CPED1: variants seen among roughly 807,000 people sequenced by gnomAD.
CPED1 encodes the protein cadherin-like and PC-esterase domain-containing protein 1.
In CPED1, 114 loss-of-function variants were observed where a neutral mutation model predicts 128.2. The observed-to-expected ratio is 0.89, with a 90% CI of 0.76 to 1.04. CPED1 has a LOEUF of 1.04. Ranked by LOEUF, CPED1 falls within the 50% of genes least tolerant of loss-of-function variation. The probability of loss-of-function intolerance (pLI) is 0.00; values close to 1 mark genes in which losing one functional copy is unlikely to be tolerated. For synonymous variants in CPED1, 462 were observed against 426.7 expected, an observed-to-expected ratio of 1.08 and a Z score of -1.02; for missense variants, 1,211 against 1,207.1, an observed-to-expected ratio of 1.00 and a Z score of -0.05.
intron 19 of CPED1, 29 bp from the exon 20 acceptor site, chr7:121,266,678 C>A: frequency 6.5e-7 from 1 of 1,540,216 alleles, no homozygotes; most frequent in Non-Finnish European, 9.0e-7. Context: ...TTTAGGGCAA[C>A]ATGTGTTGTT....
intron 21 of CPED1, among the ~76,000 whole-genome samples, chr7:121,269,706 T>C (rs1792196436): frequency 6.6e-6 from 1 of 152,142 alleles, no homozygotes; most frequent in African/African-American, 2.4e-5. Context: ...TGTGAGATGG[T>C]ATCTCATTGT....
rs541163750 is a variant in CPED1 at position 121,041,059 on chromosome 7, C to T, written c.434-5828C>T. ...TGTTCTTCTCATGTTTATTTCTCTT[C>T]TTTTATCCTTACCAGCTAAGAACCA... is the stretch of plus-strand genomic sequence containing the variant. On this transcript the variant is annotated intron_variant, in intron 3 of 22. Transcript: ENST00000310396. 4.6e-5 allele frequency among the ~76,000 whole-genome samples: 7 copies of T among 152,158 alleles called. No individual in the cohort carries two copies. In the East Asian group the frequency reaches 1.3e-3, roughly 29 times the overall value.
intron 16 of CPED1, among the ~76,000 whole-genome samples, chr7:121,154,025 A>G (rs1796222483): frequency 6.6e-6 from 1 of 152,236 alleles, no homozygotes. Context: ...CAGACTATAC[A>G]TGGTGCCATT....
intron 3 of CPED1, among the ~76,000 whole-genome samples, chr7:121,044,204 G>C (rs1414995703): frequency 6.6e-6 from 1 of 151,972 alleles, no homozygotes; most frequent in Non-Finnish European, 1.5e-5. Flanking sequence ...AAAAGAAAAA[G>C]GGCTTTGGAA....
intron 4 of CPED1, among the ~76,000 whole-genome samples, chr7:121,060,946 C>A (rs929901495): frequency 1.3e-5 from 2 of 152,062 alleles, no homozygotes; most frequent in Admixed American, 6.5e-5. Context: ...ACGAGCCCCC[C>A]GGGAGGAACG....
intron 16 of CPED1, among the ~76,000 whole-genome samples, chr7:121,226,374 G>A (rs574655997): frequency 9.9e-5 from 15 of 152,106 alleles, no homozygotes; most frequent in South Asian, 4.2e-4. Flanking sequence ...GCTGCAGACC[G>A]GAGCTGTTCC....
At chr7:121,256,142 C>CAAA (rs60327976) in intron 18 of CPED1, among the ~76,000 whole-genome samples, 1 of 69,738 alleles carries the variant, frequency 1.4e-5, no homozygotes, top group African/African-American at 4.7e-5. Flanking sequence ...AAAAAAAAAA[C>CAAA]AAAGCTTATG....
intron 12 of CPED1, among the ~76,000 whole-genome samples, chr7:121,131,063 G>T (rs1795653540): frequency 6.6e-6 from 1 of 152,112 alleles, no homozygotes; most frequent in Non-Finnish European, 1.5e-5. Flanking sequence ...CTAGGGAGAT[G>T]AAAGACTAAA....
At chr7:121,234,636 A>G (rs188949899) in intron 16 of CPED1, among the ~76,000 whole-genome samples, 31 of 152,012 alleles carry the variant, frequency 2.0e-4, no homozygotes, top group African/African-American at 7.0e-4. Context: ...TTCTAGATAG[A>G]GCTAAAGCCT....
At chr7:121,183,221 C>A (rs1338319900) in intron 16 of CPED1, among the ~76,000 whole-genome samples, 1 of 152,096 alleles carries the variant, frequency 6.6e-6, no homozygotes, top group Non-Finnish European at 1.5e-5. Flanking sequence ...AGCTTCCACT[C>A]AGTTTAGAAA....
At chr7:121,027,628 C>A (rs1792623442) in intron 3 of CPED1, among the ~76,000 whole-genome samples, 1 of 151,930 alleles carries the variant, frequency 6.6e-6, no homozygotes, top group South Asian at 2.1e-4. Context: ...ACAGAACTCA[C>A]ATCCCCCTAC....
intron 16 of CPED1, among the ~76,000 whole-genome samples, chr7:121,230,357 G>C (rs1251392940): frequency 6.6e-6 from 1 of 151,956 alleles, no homozygotes; most frequent in African/African-American, 2.4e-5. Flanking sequence ...GAGGTTATTG[G>C]GGATGGAACA....
intron 16 of CPED1, among the ~76,000 whole-genome samples, chr7:121,195,775 A>G (rs1052977486): frequency 1.3e-5 from 2 of 152,180 alleles, no homozygotes; most frequent in African/African-American, 4.8e-5. Context: ...TCTTTCAAAA[A>G]CACAACTTGC....
chr7:121,081,509 G>C (rs1303496207), intron 5 of CPED1, among the ~76,000 whole-genome samples: 2 of 152,060 alleles, frequency 1.3e-5, no homozygotes, highest in African/African-American at 4.8e-5. Flanking sequence ...ACTTCTCCTA[G>C]CACCATCTAA....
intron 4 of CPED1, among the ~76,000 whole-genome samples, chr7:121,047,770 G>C (rs1247030873): frequency 6.7e-6 from 1 of 149,454 alleles, no homozygotes; most frequent in Non-Finnish European, 1.5e-5. Context: ...GAGTGCAGTG[G>C]CGCGATCTCG....
intron 3 of CPED1, among the ~76,000 whole-genome samples, chr7:121,028,157 T>C (rs1792642583): frequency 6.6e-6 from 1 of 152,166 alleles, no homozygotes; most frequent in Admixed American, 6.5e-5. Flanking sequence ...TGCAGATTGC[T>C]GGGCCCTACT....
At chr7:121,013,556 C>T (rs1159047051) in intron 2 of CPED1, among the ~76,000 whole-genome samples, 2 of 152,140 alleles carry the variant, frequency 1.3e-5, no homozygotes, top group African/African-American at 2.4e-5. Context: ...TACCTCATAG[C>T]GCCTCCTACA....
intron 9 of CPED1, among the ~76,000 whole-genome samples, chr7:121,126,378 A>G (rs993845842): frequency 4.6e-5 from 7 of 151,772 alleles, no homozygotes; most frequent in African/African-American, 1.7e-4. Flanking sequence ...GCCCATTTTG[A>G]TTCTTTTCCT....
chr7:121,104,021 A>C (rs983641695), intron 7 of CPED1, among the ~76,000 whole-genome samples: 2 of 152,128 alleles, frequency 1.3e-5, no homozygotes, highest in Non-Finnish European at 2.9e-5. Context: ...AAATATTTAA[A>C]AATTTTAGTG....
Sources: gnomAD v4.1 joint callset for allele counts (sites outside exome capture counted in the v4.1 genomes callset) on GRCh38, gnomAD v4.1.1 for gene constraint, MANE v1.5 for transcripts, NCBI Gene and HGNC (gene_info 2026-07-23, HGNC 2026-07-21) for gene names.